The following MAP3K13 variants were observed in gnomAD, a reference collection of about 807,000 sequenced individuals.
The protein encoded by MAP3K13 is mitogen-activated protein kinase kinase kinase 13.
Under a neutral mutation model 104.0 loss-of-function variants are expected in MAP3K13, and 52 were observed. That is an observed-to-expected ratio of 0.50 (90% CI 0.40 to 0.63). MAP3K13 has a LOEUF of 0.63. Ranked by LOEUF, MAP3K13 falls within the 20% of genes least tolerant of loss-of-function variation. MAP3K13 has a pLI of 0.00. For synonymous variants in MAP3K13, 394 were observed against 442.2 expected, an observed-to-expected ratio of 0.89 and a Z score of 1.37; for missense variants, 914 against 1,218.5, an observed-to-expected ratio of 0.75 and a Z score of 3.72.
intron 2 of MAP3K13, among the ~76,000 whole-genome samples, chr3:185,313,747 G>T (rs553846528): frequency 7.1e-6 from 1 of 140,052 alleles, no homozygotes; most frequent in Non-Finnish European, 1.6e-5. Context: ...AAAAAAAAAA[G>T]AAGGGTGAAT....
At chr3:185,355,490 C>T (rs899345443) in intron 2 of MAP3K13, among the ~76,000 whole-genome samples, 2 of 150,100 alleles carry the variant, frequency 1.3e-5, no homozygotes, top group African/African-American at 2.5e-5. Flanking sequence ...AAAAATTAGC[C>T]GGACATAGTG....
chr3:185,367,880 G>T (rs2108747283), intron 1 of MAP3K13, among the ~76,000 whole-genome samples: 1 of 152,344 alleles, frequency 6.6e-6, no homozygotes, highest in South Asian at 2.1e-4. Flanking sequence ...ACAGACGTGA[G>T]CCACTGTGCC....
chr3:185,323,661 T>C (rs180671000), intron 2 of MAP3K13, among the ~76,000 whole-genome samples: 3 of 152,260 alleles, frequency 2.0e-5, no homozygotes, highest in Admixed American at 6.5e-5. Context: ...AATTCCAGTA[T>C]CCTATTAGAT....
intron 2 of MAP3K13, among the ~76,000 whole-genome samples, chr3:185,295,737 T>A (rs1720899394): frequency 6.6e-6 from 1 of 152,200 alleles, no homozygotes. Context: ...TTCTCATATA[T>A]AATCATTTAT....
chr3:185,297,948 A>G (rs1720976575), intron 2 of MAP3K13, among the ~76,000 whole-genome samples: 1 of 151,496 alleles, frequency 6.6e-6, no homozygotes. Context: ...CATGGTATGT[A>G]TAGTTTCCTA....
intron 2 of MAP3K13, among the ~76,000 whole-genome samples, chr3:185,436,227 CAG>C (rs1196068309): frequency 6.6e-6 from 1 of 152,076 alleles, no homozygotes; most frequent in Non-Finnish European, 1.5e-5. Flanking sequence ...GTTTTTAAGA[CAG>C]AAAACAATAG....
At chr3:185,395,869 G>T (rs1245718187) in intron 1 of MAP3K13, among the ~76,000 whole-genome samples, 4 of 151,506 alleles carry the variant, frequency 2.6e-5, no homozygotes, top group Non-Finnish European at 5.9e-5. Flanking sequence ...GTAGAGACAG[G>T]GTTTCGCCAT....
At chr3:185,398,824 T>C (rs1011379984) in intron 1 of MAP3K13, among the ~76,000 whole-genome samples, 1 of 152,202 alleles carries the variant, frequency 6.6e-6, no homozygotes. Context: ...TCAGAGTCAA[T>C]ACAAATATAC....
chr3:185,330,303 A>T (rs781575743), intron 2 of MAP3K13, among the ~76,000 whole-genome samples: 3 of 151,398 alleles, frequency 2.0e-5, no homozygotes, highest in Non-Finnish European at 2.9e-5. Flanking sequence ...CTCAGACCTC[A>T]GTCTGTTTCT....
At chr3:185,443,759 G>C (rs1199383131) in intron 4 of MAP3K13, 123 bp downstream of exon 4, 1 of 775,964 alleles carries the variant, frequency 1.3e-6, no homozygotes, top group East Asian at 2.6e-5. Context: ...CAGCACAGTG[G>C]GTAATTCTGT....
At chr3:185,408,167 A>G (rs992263996) in intron 1 of MAP3K13, among the ~76,000 whole-genome samples, 1 of 152,162 alleles carries the variant, frequency 6.6e-6, no homozygotes, top group Non-Finnish European at 1.5e-5. Context: ...AGAAAGTGGG[A>G]GTATAGAGTG....
intron 2 of MAP3K13, among the ~76,000 whole-genome samples, chr3:185,350,397 G>T (rs1723096209): frequency 6.6e-6 from 1 of 152,166 alleles, no homozygotes; most frequent in Non-Finnish European, 1.5e-5. Context: ...ATGTTGGTCA[G>T]GCTGGGCTCA....
rs1395079044 is a variant in MAP3K13 at position 185,455,383 on chromosome 3, TATATATATC to T, written c.1278+3995_1278+4003del. Among the ~76,000 whole-genome samples the T allele has an allele frequency of 9.3e-5, 3 of 32,322 alleles. 1 individual carries two copies. The highest frequency in any genetic ancestry group is 4.4e-4 in the Admixed American group (1 of 2,288). 21.2% of individuals were successfully genotyped at this position (32,322 alleles called of 152,430 possible). A position where few individuals can be genotyped will look rare whatever the true frequency, so the allele number is the denominator to read the frequency against. ...TATGAGATATATATGATATATATGA[TATATATATC>T]ATATATGAGATATATATATGAGATA... is the stretch of plus-strand genomic sequence containing the variant. On this transcript the variant is annotated intron_variant, in intron 7 of 13. Coordinates refer to ENST00000265026, the MANE Select transcript of MAP3K13 (RefSeq NM_004721.5).
chr3:185,479,343 A>T (rs1718317882), intron 12 of MAP3K13, among the ~76,000 whole-genome samples: 1 of 152,196 alleles, frequency 6.6e-6, no homozygotes, highest in African/African-American at 2.4e-5. Context: ...AAGTGTGTGT[A>T]GACCCAGCCC....
intron 3 of MAP3K13, among the ~76,000 whole-genome samples, chr3:185,441,973 G>A (rs1320652953): frequency 1.3e-5 from 2 of 151,692 alleles, no homozygotes; most frequent in Non-Finnish European, 2.9e-5. Context: ...CCCGGGAGGT[G>A]GAGGTTGTGG....
intron 1 of MAP3K13, among the ~76,000 whole-genome samples, chr3:185,420,680 C>T (rs1035424094): frequency 1.3e-5 from 2 of 152,136 alleles, no homozygotes; most frequent in Admixed American, 6.5e-5. Flanking sequence ...TTAGTCACAT[C>T]AAAAACTTTG....
intron 2 of MAP3K13, among the ~76,000 whole-genome samples, chr3:185,298,964 G>A (rs1296988034): frequency 6.6e-6 from 1 of 152,146 alleles, no homozygotes; most frequent in African/African-American, 2.4e-5. Flanking sequence ...ATCTTAACAC[G>A]TTCCAAACGT....
intron 1 of MAP3K13, among the ~76,000 whole-genome samples, chr3:185,396,032 T>G (rs550575830): frequency 6.6e-6 from 1 of 151,716 alleles, no homozygotes; most frequent in African/African-American, 2.4e-5. Context: ...CTGGTTTCCT[T>G]TTTTGGCCAT....
intron 1 of MAP3K13, among the ~76,000 whole-genome samples, chr3:185,405,659 C>T (rs1050528161): frequency 6.6e-6 from 1 of 152,200 alleles, no homozygotes; most frequent in Non-Finnish European, 1.5e-5. Context: ...TTCTTCAAGG[C>T]CTCACTTTCT....
Sources: allele counts gnomAD v4.1 joint callset (sites outside exome capture counted in the v4.1 genomes callset), GRCh38; gene constraint gnomAD v4.1.1; transcripts MANE v1.5; gene names NCBI Gene and HGNC (gene_info 2026-07-23, HGNC 2026-07-21).